Variants in SPATA6 observed in about 807,000 individuals in gnomAD.
SPATA6 encodes spermatogenesis-associated protein 6.
In SPATA6, 56 loss-of-function variants were observed where a neutral mutation model predicts 65.3. The ratio of observed to expected loss-of-function variants is 0.86; its 90% CI spans 0.69 to 1.07. SPATA6 has a LOEUF of 1.07. Among genes scored for constraint, SPATA6 ranks in the 50% least tolerant of loss-of-function variants. The pLI, the probability that SPATA6 is intolerant of heterozygous loss-of-function variation, is 0.00. For synonymous variants in SPATA6, 199 were observed against 213.2 expected, an observed-to-expected ratio of 0.93 and a Z score of 0.58; for missense variants, 590 against 594.8, an observed-to-expected ratio of 0.99 and a Z score of 0.08.
At chr1:48,361,296 T>C (rs1428406792) in intron 9 of SPATA6, among the ~76,000 whole-genome samples, 1 of 152,096 alleles carries the variant, frequency 6.6e-6, no homozygotes, top group Non-Finnish European at 1.5e-5. Context: ...CACGAGAATG[T>C]GTTGTTTTGG....
downstream of SPATA6, among the ~76,000 whole-genome samples, chr1:48,293,602 A>T (rs4433447): frequency 0.4 from 60,939 of 151,948 alleles, 12,909 homozygotes; most frequent in African/African-American, 0.55. Flanking sequence ...AATGAGAGTA[A>T]TGCTAAGTTA....
At position 48,305,802 on chromosome 1, in the gene SPATA6, C is replaced by A; in HGVS notation, c.1271G>T (p.Ser424Ile). 1 of 1,610,628 alleles carries A rather than the reference C, an allele frequency of 6.2e-7. No individual in the cohort carries two copies. The highest frequency in any genetic ancestry group is 8.5e-7 in the Non-Finnish European group (1 of 1,178,018). ...SLLCRDSAYD[S>I]DPEYSSCQQP... Reference sequence around the variant, plus strand: ...TCATTCATACCTATACTCGGGGTCACTGTCATAGGCAGAGTCTCTACATAA... The same window carrying A: ...TCATTCATACCTATACTCGGGGTCAATGTCATAGGCAGAGTCTCTACATAA... Residue 424 changes from serine to isoleucine, a missense_variant, in exon 12 of 13, where the codon AGT (serine) becomes ATT (isoleucine). Transcript: ENST00000371847.
intron 1 of SPATA6, among the ~76,000 whole-genome samples, chr1:48,469,327 T>G (rs978100270): frequency 1.3e-5 from 2 of 152,202 alleles, no homozygotes; most frequent in African/African-American, 4.8e-5. Flanking sequence ...GTACTCTGTA[T>G]GTTTGAAAAA....
chr1:48,443,604 AG>A (rs751046439), intron 3 of SPATA6, among the ~76,000 whole-genome samples: 140 of 152,352 alleles, frequency 9.2e-4, no homozygotes, highest in Non-Finnish European at 1.6e-3. Flanking sequence ...CTGCTGAGAA[AG>A]GAGGACTTTG....
chr1:48,436,833 G>A (rs902272290), intron 3 of SPATA6: 2 of 1,613,180 alleles, frequency 1.2e-6, no homozygotes, highest in Non-Finnish European at 1.7e-6. Flanking sequence ...ATAGCCCATT[G>A]GATATCAGTA....
Position 48,311,594 on chromosome 1 carries a change from C to T in SPATA6, c.1195-5716G>A, listed in dbSNP as rs148136180. The stretch of plus-strand genomic sequence containing the variant: ...CTTAAATTAAAAAAACTTAGGGAGC[C>T]AAGATAGCTGAATAGGAACACCTCC... On this transcript the variant is annotated intron_variant, in intron 11 of 12. Coordinates refer to ENST00000371847, the MANE Select transcript of SPATA6 (RefSeq NM_019073.4). Among the ~76,000 whole-genome samples the T allele has an allele frequency of 2.8e-3, 431 of 152,118 alleles. 2 individuals are homozygous for T. The highest frequency in any genetic ancestry group is 9.9e-3 in the African/African-American group (410 of 41,520).
At position 48,297,356 on chromosome 1, in the gene SPATA6, G is replaced by C. The variant is rs570479332; in HGVS notation, c.*1357C>G. On this transcript the variant is annotated 3_prime_UTR_variant, in exon 13 of 13. Coordinates refer to ENST00000371847, the MANE Select transcript of SPATA6 (RefSeq NM_019073.4). ...AAATAGACTCAGCTAGAAAACGGCA[G>C]ACATGGGATACTAAAGCCTAGGACT... 1.3e-5 allele frequency: 2 copies of C among 152,168 alleles called. No homozygotes were observed. Among genetic ancestry groups the C allele is most frequent in the Admixed American group, 6.5e-5 (1 of 15,274 alleles). The allele number at this position is 152,168 out of a possible 1,614,324, so 9.4% of individuals were successfully genotyped here.
intron 11 of SPATA6, among the ~76,000 whole-genome samples, chr1:48,336,743 C>T (rs1250280857): frequency 1.3e-5 from 2 of 151,568 alleles, no homozygotes; most frequent in African/African-American, 2.4e-5. Context: ...ATGAATTTAC[C>T]TATATAACAA....
chr1:48,443,956 T>C (rs1319195295), intron 3 of SPATA6, among the ~76,000 whole-genome samples: 2 of 152,172 alleles, frequency 1.3e-5, no homozygotes, highest in African/African-American at 2.4e-5. Context: ...CACTGGCCTT[T>C]TGACTGGCCT....
At chr1:48,379,435 C>T (rs1336669233) in intron 9 of SPATA6, among the ~76,000 whole-genome samples, 1 of 152,112 alleles carries the variant, frequency 6.6e-6, no homozygotes, top group East Asian at 1.9e-4. Context: ...CTCATAGAAG[C>T]AGAAAACAGA....
At chr1:48,452,679 C>T (rs1412475537) in intron 2 of SPATA6, among the ~76,000 whole-genome samples, 2 of 152,128 alleles carry the variant, frequency 1.3e-5, no homozygotes, top group Non-Finnish European at 2.9e-5. Flanking sequence ...CCACCGCACA[C>T]GGCTGATATA....
chr1:48,300,730 T>C (rs1224301221), intron 12 of SPATA6, among the ~76,000 whole-genome samples: 4 of 152,102 alleles, frequency 2.6e-5, no homozygotes, highest in African/African-American at 9.7e-5. Flanking sequence ...ATGGTATTCA[T>C]TCCAGGGATG....
intron 9 of SPATA6, among the ~76,000 whole-genome samples, chr1:48,365,781 T>C (rs900364933): frequency 3.3e-5 from 5 of 152,176 alleles, no homozygotes; most frequent in African/African-American, 4.8e-5. Context: ...TGAATACCCT[T>C]TATTTCCTTC....
At chr1:48,436,656 G>T in intron 3 of SPATA6, 1 of 1,614,188 alleles carries the variant, frequency 6.2e-7, no homozygotes, top group South Asian at 1.1e-5. Context: ...CATCAGTGCA[G>T]CCGTGGCTGA....
chr1:48,310,157 G>A (rs1645166064), intron 11 of SPATA6, among the ~76,000 whole-genome samples: 1 of 152,102 alleles, frequency 6.6e-6, no homozygotes, highest in African/African-American at 2.4e-5. Flanking sequence ...CATTTCAGTT[G>A]GCAATGAGGT....
intron 11 of SPATA6, among the ~76,000 whole-genome samples, chr1:48,329,791 C>T (rs151207933): frequency 2.5e-3 from 388 of 152,308 alleles, no homozygotes; most frequent in African/African-American, 8.7e-3. Flanking sequence ...CAGGAGGACC[C>T]CTCCAACACT....
the SPATA6 span, among the ~76,000 whole-genome samples, chr1:48,271,981 C>G: frequency 6.6e-6 from 1 of 152,188 alleles, no homozygotes; most frequent in South Asian, 2.1e-4. Context: ...CTCTCATGTC[C>G]AGTACTTTCA....
chr1:48,385,241 T>G (rs975601108), intron 9 of SPATA6, 68 bp downstream of exon 9: 1 of 1,351,578 alleles, frequency 7.4e-7, no homozygotes, highest in Non-Finnish European at 1.0e-6. Flanking sequence ...TATACATATA[T>G]ATGAAATAGA....
chr1:48,453,558 C>T (rs1570626325), intron 1 of SPATA6, among the ~76,000 whole-genome samples: 1 of 152,216 alleles, frequency 6.6e-6, no homozygotes, highest in Admixed American at 6.5e-5. Flanking sequence ...ACAAATCTGA[C>T]TTCTATCACC....
Sources: gnomAD v4.1 joint callset for allele counts (sites outside exome capture counted in the v4.1 genomes callset) on GRCh38, gnomAD v4.1.1 for gene constraint, MANE v1.5 for transcripts, NCBI Gene and HGNC (gene_info 2026-07-23, HGNC 2026-07-21) for gene names.